The following EML5 variants were observed in gnomAD, a reference collection of about 807,000 sequenced individuals.
EML5 encodes EMAP like 5, also known as echinoderm microtubule-associated protein-like 5.
A neutral mutation model predicts 250.0 loss-of-function variants in EML5; 120 were observed. That is an observed-to-expected ratio of 0.48 (90% CI 0.41 to 0.56). The LOEUF is 0.56. Among genes scored for constraint, EML5 ranks in the 20% least tolerant of loss-of-function variants. The pLI is 0.00. For missense variants in EML5, 2,006 were observed against 2,437.6 expected, an observed-to-expected ratio of 0.82 and a Z score of 3.73; for synonymous variants, 771 against 806.5, an observed-to-expected ratio of 0.96 and a Z score of 0.75.
intron 18 of EML5, among the ~76,000 whole-genome samples, chr14:88,687,675 T>C (rs2092863505): frequency 1.2e-5 from 1 of 83,830 alleles, no homozygotes; most frequent in South Asian, 4.0e-4. Context: ...AAATGGTAAC[T>C]ACCTGATGGA....
intron 34 of EML5, 80 bp downstream of exon 34, chr14:88,627,566 A>G: frequency 7.1e-7 from 1 of 1,407,352 alleles, no homozygotes; most frequent in South Asian, 1.4e-5. Flanking sequence ...CACCAACTTT[A>G]AGACAAATAT....
intron 8 of EML5, among the ~76,000 whole-genome samples, chr14:88,724,181 AG>A (rs2093632181): frequency 6.6e-6 from 1 of 151,488 alleles, no homozygotes. Context: ...AGGCTGAGGC[AG>A]GAGAATCGCT....
chr14:88,715,091 G>A lies in EML5; in HGVS notation c.1292C>T (p.Ser431Leu), dbSNP rs375543692. ...TYLAVGCNDSSVDIYGVAQRY... is the reference protein window; with the variant it reads ...TYLAVGCNDSLVDIYGVAQRY... ...CTGAGCAACTCCATAAATATCAACC[G>A]AGCTGTCATTGCATCCAACAGCAAG... is the stretch of plus-strand genomic sequence containing the variant. Residue 431 changes from serine (S) to leucine (L), a missense_variant, in exon 9 of 44, where the codon TCG becomes TTG. Coordinates refer to ENST00000554922, the MANE Select transcript of EML5 (RefSeq NM_183387.3). 1.9e-5 allele frequency: 30 copies of A among 1,613,454 alleles called. No homozygotes were observed. Among genetic ancestry groups the A allele is most frequent in the African/African-American group, 2.7e-5 (2 of 74,852 alleles).
At chr14:88,654,832 C>G (rs2091804471) in intron 27 of EML5, among the ~76,000 whole-genome samples, 1 of 152,058 alleles carries the variant, frequency 6.6e-6, no homozygotes, top group South Asian at 2.1e-4. Context: ...CCTGATTATC[C>G]TTGTTAATTT....
At chr14:88,715,788 G>C (rs948221578) in intron 8 of EML5, among the ~76,000 whole-genome samples, 2 of 151,608 alleles carry the variant, frequency 1.3e-5, no homozygotes, top group Non-Finnish European at 2.9e-5. Context: ...TCAGCCTCCC[G>C]AGTAGCTGGG....
chr14:88,705,702 ACAAT>A (rs1446486630), intron 11 of EML5, 114 bp from the exon 12 acceptor site: 4 of 775,486 alleles, frequency 5.2e-6, no homozygotes, highest in African/African-American at 1.7e-5. Context: ...AAGCCATAAA[ACAAT>A]CAAATGAAAT....
intron 29 of EML5, 115 bp downstream of exon 29, chr14:88,646,832 C>T: frequency 9.3e-7 from 1 of 1,079,072 alleles, no homozygotes; most frequent in Non-Finnish European, 1.3e-6. Context: ...AAAAAATGTG[C>T]AAAACTGTGA....
intron 23 of EML5, among the ~76,000 whole-genome samples, chr14:88,663,582 ACATACT>A (rs1329844722): frequency 6.6e-6 from 1 of 152,158 alleles, no homozygotes; most frequent in African/African-American, 2.4e-5. Context: ...TAAAATACAA[ACATACT>A]CATTAAGTTC....
intron 19 of EML5, among the ~76,000 whole-genome samples, chr14:88,685,615 A>G (rs554660801): frequency 1.3e-5 from 2 of 151,840 alleles, no homozygotes; most frequent in African/African-American, 4.8e-5. Flanking sequence ...ACATCATTCC[A>G]TATATTTTTT....
intron 1 of EML5, among the ~76,000 whole-genome samples, chr14:88,771,626 GT>G (rs1198186458): frequency 3.9e-5 from 6 of 152,074 alleles, no homozygotes; most frequent in Non-Finnish European, 5.9e-5. Context: ...CCTTTATTGT[GT>G]TAACATACTT....
At chr14:88,698,833 A>G (rs1045546126) in intron 14 of EML5, among the ~76,000 whole-genome samples, 1 of 152,204 alleles carries the variant, frequency 6.6e-6, no homozygotes, top group East Asian at 1.9e-4. Context: ...ACTAACACTC[A>G]CTGAGAAGTA....
intron 10 of EML5, among the ~76,000 whole-genome samples, chr14:88,710,973 G>A (rs2093395892): frequency 6.6e-6 from 1 of 152,092 alleles, no homozygotes; most frequent in South Asian, 2.1e-4. Context: ...ACTTGACTAA[G>A]AAAACTAAGA....
At chr14:88,726,092 A>G (rs1203475006) in intron 8 of EML5, among the ~76,000 whole-genome samples, 3 of 152,082 alleles carry the variant, frequency 2.0e-5, no homozygotes, top group South Asian at 2.1e-4. Context: ...AATTCTTTAA[A>G]TTTTTCTAAT....
chr14:88,627,084 G>A (rs774461516), intron 34 of EML5, 38 bp from the exon 35 acceptor site: 2 of 1,593,294 alleles, frequency 1.3e-6, no homozygotes, highest in African/African-American at 1.3e-5. Flanking sequence ...GTTATTACAA[G>A]AACCAAGCTA....
intron 29 of EML5, chr14:88,644,759 G>A: frequency 3.3e-6 from 1 of 306,776 alleles, no homozygotes; most frequent in Non-Finnish European, 6.1e-6. Flanking sequence ...CGCCCATGCT[G>A]GAGTGCAGTG....
intron 12 of EML5, 83 bp downstream of exon 12, chr14:88,705,399 G>C: frequency 2.0e-6 from 2 of 1,006,980 alleles, no homozygotes; most frequent in African/African-American, 1.6e-5. Context: ...AGCCACAAAA[G>C]ATAACAACAG....
chr14:88,755,913 C>T (rs753708220), intron 1 of EML5, among the ~76,000 whole-genome samples: 5 of 152,188 alleles, frequency 3.3e-5, no homozygotes, highest in Middle Eastern at 3.4e-3. Flanking sequence ...GTGAGAAGAT[C>T]GCTTGAACCC....
chr14:88,696,182 TA>T (rs1447289930), intron 15 of EML5, among the ~76,000 whole-genome samples: 2 of 151,678 alleles, frequency 1.3e-5, no homozygotes, highest in African/African-American at 2.4e-5. Context: ...TATATATATA[TA>T]TATTTCCCTC....
At chr14:88,740,345 G>A (rs2093906465) in intron 5 of EML5, 42 bp downstream of exon 5, 3 of 1,517,536 alleles carry the variant, frequency 2.0e-6, no homozygotes, top group Non-Finnish European at 1.8e-6. Context: ...ACAAGGTTAA[G>A]TAATACACAT....
Sources: allele counts gnomAD v4.1 joint callset (sites outside exome capture counted in the v4.1 genomes callset), GRCh38; gene constraint gnomAD v4.1.1; transcripts MANE v1.5; gene names NCBI Gene and HGNC (gene_info 2026-07-23, HGNC 2026-07-21).